Variants in CAMK1D observed in about 807,000 individuals in gnomAD.
CAMK1D encodes the protein calcium/calmodulin-dependent protein kinase type 1D.
Under a neutral mutation model 47.7 loss-of-function variants are expected in CAMK1D, and 9 were observed. The ratio of observed to expected loss-of-function variants is 0.19; its 90% CI spans 0.11 to 0.33. The LOEUF (loss-of-function observed/expected upper bound fraction) is 0.33. Among genes scored for constraint, CAMK1D ranks in the 10% least tolerant of loss-of-function variants. The pLI, the probability that CAMK1D is intolerant of heterozygous loss-of-function variation, is 1.00. For missense variants in CAMK1D, 291 were observed against 488.7 expected (o/e 0.60, Z 3.81); for synonymous variants, 184 against 184.9 (o/e 0.99, Z 0.04).
chr10:12,354,832 T>G (rs1317704544), intron 1 of CAMK1D, among the ~76,000 whole-genome samples: 1 of 139,106 alleles, frequency 7.2e-6, no homozygotes, highest in Non-Finnish European at 1.5e-5. Flanking sequence ...CATTTCTGTT[T>G]GGAGGAAAAT....
chr10:12,704,561 G>GA (rs952589878), intron 3 of CAMK1D, among the ~76,000 whole-genome samples: 20 of 147,716 alleles, frequency 1.4e-4, no homozygotes, highest in Middle Eastern at 3.5e-3. Flanking sequence ...TTAAAAAGAG[G>GA]AAAAAAAAAA....
chr10:12,801,245 C>G (rs574114711), intron 6 of CAMK1D, among the ~76,000 whole-genome samples: 21 of 151,712 alleles, frequency 1.4e-4, no homozygotes, highest in South Asian at 4.2e-4. Flanking sequence ...ATCCATCCAT[C>G]CATCCATCCA....
intron 2 of CAMK1D, among the ~76,000 whole-genome samples, chr10:12,631,748 A>G (rs76441121): frequency 0.015 from 2,292 of 151,186 alleles, 29 homozygotes; most frequent in Non-Finnish European, 0.023. Flanking sequence ...AAGCCAAGAC[A>G]TGGTCCTTCA....
chr10:12,766,267 T>TCC (rs1836753213), intron 4 of CAMK1D, among the ~76,000 whole-genome samples: 1 of 75,416 alleles, frequency 1.3e-5, no homozygotes, highest in Non-Finnish European at 2.6e-5. Flanking sequence ...CCCCCCCTCC[T>TCC]CCCCCAGCCC....
intron 2 of CAMK1D, among the ~76,000 whole-genome samples, chr10:12,660,327 G>A (rs1173018138): frequency 1.3e-5 from 2 of 152,182 alleles, no homozygotes; most frequent in Middle Eastern, 3.4e-3. Context: ...TTGAACTGGG[G>A]TACATGAGGC....
At chr10:12,629,032 CG>C (rs1216998268) in intron 2 of CAMK1D, among the ~76,000 whole-genome samples, 2 of 152,116 alleles carry the variant, frequency 1.3e-5, no homozygotes, top group East Asian at 1.9e-4. Context: ...GTGTTGCTTC[CG>C]GGTCTGGGCA....
intron 1 of CAMK1D, among the ~76,000 whole-genome samples, chr10:12,418,477 A>T (rs1449220790): frequency 6.6e-6 from 1 of 152,154 alleles, no homozygotes; most frequent in African/African-American, 2.4e-5. Flanking sequence ...GCACCGTGGC[A>T]TATGCCTGTA....
Position 12,672,482 on chromosome 10 carries a change from C to A in CAMK1D, c.299+5672C>A, listed in dbSNP as rs191234299. On this transcript the variant is annotated intron_variant, in intron 3 of 10. Transcript: ENST00000619168. ...CTCCCGGGTTCAAGTGAGTCTCCTGCCTCAGCTTCCCAAGTAGCTGGGATT... is the reference window on the plus strand; with the variant it reads ...CTCCCGGGTTCAAGTGAGTCTCCTGACTCAGCTTCCCAAGTAGCTGGGATT... 1.9e-3 allele frequency among the ~76,000 whole-genome samples: 296 copies of A among 152,114 alleles called. 1 individual carries two copies. The highest frequency in any genetic ancestry group is 6.0e-3 in the African/African-American group (251 of 41,510).
intron 5 of CAMK1D, among the ~76,000 whole-genome samples, chr10:12,774,740 C>T (rs984179799): frequency 6.6e-6 from 1 of 152,210 alleles, no homozygotes; most frequent in Non-Finnish European, 1.5e-5. Context: ...CCTGTCAGAT[C>T]AGCAGCAGTA....
Position 12,401,169 on chromosome 10 carries a change from G to A in CAMK1D, c.92+51259G>A, listed in dbSNP as rs183048765. On this transcript the variant is annotated intron_variant, in intron 1 of 10. Coordinates refer to ENST00000619168, the MANE Select transcript of CAMK1D (RefSeq NM_153498.4). ...TATATTTTATATATATATAATATAT[G>A]TATTATATATATTATATATATATTT... 8.0e-3 allele frequency among the ~76,000 whole-genome samples: 289 copies of A among 36,126 alleles called. 12 individuals are homozygous for A. Among genetic ancestry groups the A allele is most frequent in the Middle Eastern group, 0.019 (1 of 54 alleles). 23.7% of individuals were successfully genotyped at this position (36,126 alleles called of 152,430 possible).
At chr10:12,630,951 C>T (rs149437087) in intron 2 of CAMK1D, among the ~76,000 whole-genome samples, 1 of 152,226 alleles carries the variant, frequency 6.6e-6, no homozygotes, top group Admixed American at 6.5e-5. Context: ...CACTTGAGTG[C>T]TTGGTGATGC....
intron 2 of CAMK1D, among the ~76,000 whole-genome samples, chr10:12,659,906 C>T (rs1163329355): frequency 1.3e-5 from 2 of 152,170 alleles, no homozygotes; most frequent in Non-Finnish European, 2.9e-5. Context: ...GCCTGAAAAG[C>T]GGACCGGAAG....
At chr10:12,682,333 A>G (rs573675602) in intron 3 of CAMK1D, among the ~76,000 whole-genome samples, 1 of 152,348 alleles carries the variant, frequency 6.6e-6, no homozygotes, top group South Asian at 2.1e-4. Flanking sequence ...GTATATCTGT[A>G]CAGCAATGGA....
At chr10:12,780,209 C>A (rs182656216) in intron 5 of CAMK1D, among the ~76,000 whole-genome samples, 66 of 152,142 alleles carry the variant, frequency 4.3e-4, no homozygotes, top group African/African-American at 1.6e-3. Flanking sequence ...TCTTGGAAAC[C>A]AGGGGTTCCA....
chr10:12,697,279 G>T (rs749192645), intron 3 of CAMK1D, among the ~76,000 whole-genome samples: 27 of 152,278 alleles, frequency 1.8e-4, no homozygotes, highest in South Asian at 1.2e-3. Context: ...ACCAGAAAAT[G>T]TTTCTCTACT....
intron 3 of CAMK1D, among the ~76,000 whole-genome samples, chr10:12,706,783 A>G (rs1235110972): frequency 1.3e-5 from 2 of 151,688 alleles, no homozygotes; most frequent in Non-Finnish European, 2.9e-5. Flanking sequence ...TCTGTTTTCC[A>G]TTCATTCCCT....
At chr10:12,679,752 G>A (rs920945200) in intron 3 of CAMK1D, among the ~76,000 whole-genome samples, 3 of 151,962 alleles carry the variant, frequency 2.0e-5, no homozygotes, top group Non-Finnish European at 4.4e-5. Context: ...GCACCACGAC[G>A]GACTAAATCC....
intron 1 of CAMK1D, among the ~76,000 whole-genome samples, chr10:12,436,921 GA>G (rs2132002528): frequency 6.6e-6 from 1 of 152,256 alleles, no homozygotes; most frequent in East Asian, 1.9e-4. Flanking sequence ...TTATCACAGC[GA>G]AAGGACTTCG....
chr10:12,794,495 G>A (rs1463779676), intron 6 of CAMK1D, among the ~76,000 whole-genome samples: 1 of 152,146 alleles, frequency 6.6e-6, no homozygotes, highest in African/African-American at 2.4e-5. Flanking sequence ...GATTTGACAA[G>A]TGGTGCACCC....
Sources: allele counts gnomAD v4.1 joint callset (sites outside exome capture counted in the v4.1 genomes callset), GRCh38; gene constraint gnomAD v4.1.1; transcripts MANE v1.5; gene names NCBI Gene and HGNC (gene_info 2026-07-23, HGNC 2026-07-21).